The following SV2B variants were observed in gnomAD, a reference collection of about 807,000 sequenced individuals.
SV2B encodes the protein solute carrier family 22 member B2.
A neutral mutation model predicts 73.9 loss-of-function variants in SV2B; 41 were observed. The observed-to-expected ratio is 0.56, with a 90% CI of 0.43 to 0.72. The LOEUF is 0.72. Among genes scored for constraint, SV2B ranks in the 30% least tolerant of loss-of-function variants. SV2B has a pLI of 0.00. For synonymous variants in SV2B, 314 were observed against 314.2 expected, an observed-to-expected ratio of 1.00 and a Z score of 0.01; for missense variants, 764 against 857.8, an observed-to-expected ratio of 0.89 and a Z score of 1.37.
In SV2B at chr15:91,293,382, C is replaced by G. The variant is rs189444995; in HGVS notation, c.*830C>G. The G allele has an allele frequency of 6.6e-6, 1 of 152,200 alleles. No homozygotes were observed. Among genetic ancestry groups the G allele is most frequent in the Non-Finnish European group, 1.5e-5 (1 of 68,036 alleles). 9.4% of individuals were successfully genotyped at this position (152,200 alleles called of 1,614,324 possible). A position where few individuals can be genotyped will look rare whatever the true frequency, so the allele number is the denominator to read the frequency against. ...AAATGAGGTCTGATCAAATGAAATGCAAGCACAATTTCTTACAGCCATTTA... is the reference window on the plus strand; with the variant it reads ...AAATGAGGTCTGATCAAATGAAATGGAAGCACAATTTCTTACAGCCATTTA... On this transcript the variant is annotated 3_prime_UTR_variant, in exon 13 of 13. Transcript: ENST00000394232.
At chr15:91,131,007 G>T (rs879436304) in intron 1 of SV2B, among the ~76,000 whole-genome samples, 2 of 151,994 alleles carry the variant, frequency 1.3e-5, no homozygotes, top group Non-Finnish European at 2.9e-5. Flanking sequence ...GAAAAGGGTA[G>T]CTACGCTGTG....
intron 1 of SV2B, among the ~76,000 whole-genome samples, chr15:91,170,091 T>G (rs72764764): frequency 6.6e-6 from 1 of 151,952 alleles, no homozygotes; most frequent in Non-Finnish European, 1.5e-5. Flanking sequence ...TTTAAAAATT[T>G]CTGTTATTTA....
At chr15:91,103,746 G>T (rs1367180158) in intron 1 of SV2B, among the ~76,000 whole-genome samples, 1 of 152,196 alleles carries the variant, frequency 6.6e-6, no homozygotes, top group African/African-American at 2.4e-5. Context: ...ATAGAATGAG[G>T]TGAGGCTGGG....
At chr15:91,158,703 C>T (rs7169984) in intron 1 of SV2B, among the ~76,000 whole-genome samples, 5,547 of 37,348 alleles carry the variant, frequency 0.15, 467 homozygotes, top group Non-Finnish European at 0.21. Flanking sequence ...TCTCTTCTCT[C>T]CTCTCCTCTC....
intron 2 of SV2B, among the ~76,000 whole-genome samples, chr15:91,251,090 C>A (rs1352841291): frequency 6.6e-6 from 1 of 152,118 alleles, no homozygotes; most frequent in Admixed American, 6.5e-5. Context: ...ATGGTAGTGG[C>A]ATAAACACAG....
chr15:91,224,341 A>C lies in SV2B; in HGVS notation c.-391-1532A>C, dbSNP rs1249799141. Among the ~76,000 whole-genome samples the C allele has an allele frequency of 6.6e-6, 1 of 152,124 alleles. No homozygotes were observed. The highest frequency in any genetic ancestry group is 2.4e-5 in the African/African-American group (1 of 41,418). On this transcript the variant is annotated intron_variant, in intron 1 of 12. Coordinates refer to ENST00000394232, the MANE Select transcript of SV2B (RefSeq NM_001323032.3). The surrounding 1 kb of genome is among the most constrained non-coding windows in gnomAD (Gnocchi z 4.9). Reference sequence around the variant, plus strand: ...TGGGGCGTGAGTCTCTGGTAGCCTCAATGTGTGAGGTCCGAGCATTATCCC... The same window carrying C: ...TGGGGCGTGAGTCTCTGGTAGCCTCCATGTGTGAGGTCCGAGCATTATCCC...
rs1428803317 is a variant in SV2B at position 91,141,812 on chromosome 15, T to C, written c.-392+41449T>C. ...TTCTGCTAATGGATATTACAGAAAG[T>C]TACATTCAGAGAGTTAGATGCTGTA... On this transcript the variant is annotated intron_variant, in intron 1 of 12. Coordinates refer to ENST00000394232, the MANE Select transcript of SV2B (RefSeq NM_001323032.3). This position sits in a 1 kb window ranked among gnomAD's most constrained non-coding sequence, Gnocchi z 4.6. Among the ~76,000 whole-genome samples, 3 of 151,790 alleles carry C rather than the reference T, an allele frequency of 2.0e-5. No individual in the cohort carries two copies. The highest frequency in any genetic ancestry group is 4.4e-5 in the Non-Finnish European group (3 of 67,986).
intron 1 of SV2B, among the ~76,000 whole-genome samples, chr15:91,144,896 G>GT (rs57977211): frequency 0.038 from 5,376 of 142,970 alleles, 195 homozygotes; most frequent in African/African-American, 0.098. Context: ...GAAGAGAACT[G>GT]TTTTTTTTTT....
intron 11 of SV2B, among the ~76,000 whole-genome samples, chr15:91,286,988 C>T (rs949098459): frequency 6.6e-6 from 1 of 152,186 alleles, no homozygotes; most frequent in African/African-American, 2.4e-5. Flanking sequence ...CCAGCATTTA[C>T]TGTAAGCCAA....
rs943675965 is a variant in SV2B at position 91,115,913 on chromosome 15, T to C, written c.-392+15550T>C. Among the ~76,000 whole-genome samples the C allele has an allele frequency of 6.6e-6, 1 of 152,156 alleles. No individual in the cohort carries two copies. The highest frequency in any genetic ancestry group is 1.5e-5 in the Non-Finnish European group (1 of 68,022). On this transcript the variant is annotated intron_variant, in intron 1 of 12. Coordinates refer to ENST00000394232, the MANE Select transcript of SV2B (RefSeq NM_001323032.3). The surrounding 1 kb of genome is among the most constrained non-coding windows in gnomAD (Gnocchi z 4.3). ...ACGTGATCTCTGCCCTCAGGGTGTA[T>C]AGTGTAGAAGTTTGTAAAGAAGCTT...
Position 91,261,962 on chromosome 15 carries a change from T to C in SV2B, c.1008+1553T>C, listed in dbSNP as rs1199623921. Among the ~76,000 whole-genome samples the C allele has an allele frequency of 6.6e-6, 1 of 152,374 alleles. No individual in the cohort carries two copies. Among genetic ancestry groups the C allele is most frequent in the South Asian group, 2.1e-4 (1 of 4,830 alleles). ...ATCCATTTTCTCAAGGAAACCTTCC[T>C]GGAGTAACTCCTACCTAACTTTGAT... On this transcript the variant is annotated intron_variant, in intron 6 of 12. Transcript: ENST00000394232. The surrounding 1 kb of genome is among the most constrained non-coding windows in gnomAD (Gnocchi z 4.7).
At chr15:91,260,492 A>G in intron 6 of SV2B, 83 bp downstream of exon 6, 1 of 1,090,118 alleles carries the variant, frequency 9.2e-7, no homozygotes, top group Non-Finnish European at 1.3e-6. Flanking sequence ...TAAGCACATA[A>G]CAGGAAATTT....
At chr15:91,188,953 A>C (rs1345386392) in intron 1 of SV2B, among the ~76,000 whole-genome samples, 1 of 151,972 alleles carries the variant, frequency 6.6e-6, no homozygotes, top group Non-Finnish European at 1.5e-5. Flanking sequence ...CGGCCTCCCA[A>C]ATAGCTGGCA....
chr15:91,216,153 A>G (rs2046017765), intron 1 of SV2B, among the ~76,000 whole-genome samples: 1 of 152,200 alleles, frequency 6.6e-6, no homozygotes, highest in South Asian at 2.1e-4. Flanking sequence ...GGAAGCCTCA[A>G]AGAACACTGT....
chr15:91,193,580 T>C (rs961567741), intron 1 of SV2B, among the ~76,000 whole-genome samples: 3 of 152,092 alleles, frequency 2.0e-5, no homozygotes, highest in African/African-American at 7.2e-5. Context: ...TTTAAAAAAT[T>C]TGAAGGCCTT....
chr15:91,289,765 G>A lies in SV2B; in HGVS notation c.1868+85G>A. 1.4e-6 allele frequency: 2 copies of A among 1,425,454 alleles called. No homozygotes were observed. Among genetic ancestry groups the A allele is most frequent in the Admixed American group, 2.4e-5 (1 of 41,270 alleles). 88.3% of individuals were successfully genotyped at this position (1,425,454 alleles called of 1,614,324 possible). On this transcript the variant is annotated intron_variant, in intron 12 of 12. Coordinates refer to ENST00000394232, the MANE Select transcript of SV2B (RefSeq NM_001323032.3). The surrounding 1 kb of genome is among the most constrained non-coding windows in gnomAD (Gnocchi z 4.9). ...ACCTGCTCCCTAAATCTCATGCTGT[G>A]CATGGCCATCGTGGTCTTTCTGCTG...
At chr15:91,125,802 T>TAAAAAAAAAAAAAAAAAAAAAA (rs2042465209) in intron 1 of SV2B, among the ~76,000 whole-genome samples, 1 of 75,052 alleles carries the variant, frequency 1.3e-5, no homozygotes, top group Non-Finnish European at 3.6e-5. Flanking sequence ...AAAAAAAAAT[T>TAAAAAAAAAAAAAAAAAAAAAA]CAGTCATTTA....
chr15:91,167,825 T>A (rs897954719), intron 1 of SV2B, among the ~76,000 whole-genome samples: 1 of 152,244 alleles, frequency 6.6e-6, no homozygotes, highest in Non-Finnish European at 1.5e-5. Context: ...GTTACAAGAA[T>A]CTAAGTTCTG....
At chr15:91,148,367 G>T (rs1403387349) in intron 1 of SV2B, among the ~76,000 whole-genome samples, 2 of 152,090 alleles carry the variant, frequency 1.3e-5, no homozygotes, top group African/African-American at 2.4e-5. Flanking sequence ...CCAAGATTGG[G>T]TCATATAGCA....
Sources: gnomAD v4.1 joint callset for allele counts (sites outside exome capture counted in the v4.1 genomes callset) on GRCh38, gnomAD v4.1.1 for gene constraint, Gnocchi (gnomAD v3.1) non-coding constraint, MANE v1.5 for transcripts, NCBI Gene and HGNC (gene_info 2026-07-23, HGNC 2026-07-21) for gene names.